Variants in KIAA0408 observed in about 807,000 individuals in gnomAD.
KIAA0408 encodes the protein KIAA0408.
A neutral mutation model predicts 60.9 loss-of-function variants in KIAA0408; 51 were observed. That is an observed-to-expected ratio of 0.84 (90% CI 0.67 to 1.06). The LOEUF (loss-of-function observed/expected upper bound fraction) is 1.06, where lower values mean the gene tolerates loss of function less well. Ranked by LOEUF, KIAA0408 falls within the 50% of genes least tolerant of loss-of-function variation. The pLI, the probability that KIAA0408 is intolerant of heterozygous loss-of-function variation, is 0.00. For synonymous variants in KIAA0408, 304 were observed against 282.4 expected, an observed-to-expected ratio of 1.08 and a Z score of -0.77; for missense variants, 787 against 833.9, an observed-to-expected ratio of 0.94 and a Z score of 0.69.
At chr6:127,459,006 T>G (rs777380011) in intron 1 of KIAA0408, among the ~76,000 whole-genome samples, 169 bp downstream of exon 1, 1 of 152,198 alleles carries the variant, frequency 6.6e-6, no homozygotes, top group Non-Finnish European at 1.5e-5. Flanking sequence ...CAATCTGTTA[T>G]GCACCCCGCC....
At position 127,447,655 on chromosome 6, in the gene KIAA0408, T is replaced by A. The variant is rs1437812889; in HGVS notation, c.664A>T (p.Ile222Phe). Residue 222 changes from isoleucine to phenylalanine, a missense_variant, in exon 5 of 6, where the codon ATT (isoleucine) becomes TTT (phenylalanine). Coordinates refer to ENST00000483725, the MANE Select transcript of KIAA0408 (RefSeq NM_014702.5). ...GDPMINNDQCILPISLEKEKQ... is the reference protein window; with the variant it reads ...GDPMINNDQCFLPISLEKEKQ... Reference sequence around the variant, plus strand: ...TCTTTTTCTAAACTGATTGGAAGAATGCACTGGTCATTGTTGATCATGGGG... The same window carrying A: ...TCTTTTTCTAAACTGATTGGAAGAAAGCACTGGTCATTGTTGATCATGGGG... 5 of 1,610,526 alleles carry A rather than the reference T, an allele frequency of 3.1e-6. No homozygotes were observed. Among genetic ancestry groups the A allele is most frequent in the Admixed American group, 1.7e-5 (1 of 59,386 alleles).
rs1011252123 is a variant in KIAA0408 at position 127,440,321 on chromosome 6, G to C, written c.*3788C>G. ...TGAGATGAACAAGTCATAGTTATAA[G>C]TTCTTTTTTTTTTTTTTTTTTGAGA... On this transcript the variant is annotated 3_prime_UTR_variant, in exon 6 of 6. Transcript: ENST00000483725. 3.3e-5 allele frequency: 4 copies of C among 121,790 alleles called. No homozygotes were observed. Among genetic ancestry groups the C allele is most frequent in the Non-Finnish European group, 6.9e-5 (4 of 57,974 alleles). The allele number at this position is 121,790 out of a possible 1,614,324, so 7.5% of individuals were successfully genotyped here.
chr6:127,450,872 C>G (rs1293301088), intron 2 of KIAA0408: 1 of 156,464 alleles, frequency 6.4e-6, no homozygotes, highest in African/African-American at 2.4e-5. Context: ...TTTGGTTGGT[C>G]AATTACATTG....
chr6:127,457,277 G>A (rs1773412988), intron 1 of KIAA0408, among the ~76,000 whole-genome samples: 2 of 152,124 alleles, frequency 1.3e-5, no homozygotes, highest in African/African-American at 4.8e-5. Context: ...GTTTCGTAAT[G>A]AGAAGTTATG....
chr6:127,456,936 C>T (rs1773406360), intron 1 of KIAA0408, among the ~76,000 whole-genome samples: 1 of 151,946 alleles, frequency 6.6e-6, no homozygotes, highest in Non-Finnish European at 1.5e-5. Context: ...CCCTCCCTTC[C>T]TCTTCTTGTC....
chr6:127,448,673 G>A (rs182777493), intron 4 of KIAA0408, among the ~76,000 whole-genome samples: 11 of 152,104 alleles, frequency 7.2e-5, no homozygotes, highest in African/African-American at 2.7e-4. Context: ...AATAAAATGT[G>A]GATAAATACC....
chr6:127,453,030 T>C (rs1350970558), intron 2 of KIAA0408, among the ~76,000 whole-genome samples: 1 of 152,042 alleles, frequency 6.6e-6, no homozygotes, highest in Non-Finnish European at 1.5e-5. Flanking sequence ...TATAAACACA[T>C]AAAGCACTTA....
chr6:127,456,150 A>C (rs1043906177), intron 1 of KIAA0408, among the ~76,000 whole-genome samples: 15 of 152,198 alleles, frequency 9.9e-5, no homozygotes, highest in African/African-American at 3.6e-4. Context: ...GTGGTTTGAG[A>C]TAATAAGAGA....
chr6:127,446,764 C>G lies in KIAA0408; in HGVS notation c.1555G>C (p.Gly519Arg), dbSNP rs765203412. 3.1e-6 allele frequency: 5 copies of G among 1,613,938 alleles called. No individual in the cohort carries two copies. In the South Asian group the frequency reaches 5.5e-5, roughly 18 times the overall value. The change falls in exon 5 of 6, where the codon GGC becomes CGC. Residue 519 changes from glycine to arginine, a missense_variant. Around this residue, in one of 3 missense-constraint regions of KIAA0408, gnomAD observed 640 missense variants for 681.3 expected, o/e 0.94. Transcript: ENST00000483725. The stretch of plus-strand genomic sequence containing the variant: ...TGTCCCTGCATTTGTCTTACTAGGC[C>G]TGTTGTGGATTTCTTGGTGGGATTA... ...PDNPTKKSTT[G>R]LVRQMQGHLS... is the part of the protein sequence containing the mutation.
At chr6:127,452,406 G>A (rs747958228) in intron 2 of KIAA0408, among the ~76,000 whole-genome samples, 3 of 152,062 alleles carry the variant, frequency 2.0e-5, no homozygotes, top group Non-Finnish European at 4.4e-5. Flanking sequence ...AAATATGACA[G>A]CCCGTTTGTC....
At chr6:127,456,176 C>A (rs1364563718) in intron 1 of KIAA0408, among the ~76,000 whole-genome samples, 3 of 151,952 alleles carry the variant, frequency 2.0e-5, no homozygotes, top group Non-Finnish European at 4.4e-5. Context: ...GCAGATTTAA[C>A]CAAAGAAACT....
chr6:127,449,200 T>C (rs1773254500), intron 4 of KIAA0408, among the ~76,000 whole-genome samples: 1 of 152,218 alleles, frequency 6.6e-6, no homozygotes, highest in African/African-American at 2.4e-5. Context: ...ATTGTCCAAA[T>C]GCTCAGAATG....
chr6:127,449,958 A>G, intron 3 of KIAA0408, 32 bp downstream of exon 3: 1 of 1,613,886 alleles, frequency 6.2e-7, no homozygotes, highest in Non-Finnish European at 8.5e-7. Context: ...ATTTCTTTAG[A>G]AACAGTTCTA....
chr6:127,458,384 C>T (rs1037944412), intron 1 of KIAA0408, among the ~76,000 whole-genome samples: 5 of 152,118 alleles, frequency 3.3e-5, no homozygotes, highest in Admixed American at 3.3e-4. Flanking sequence ...TAGCACATTC[C>T]TCATGCTCCA....
intron 2 of KIAA0408, among the ~76,000 whole-genome samples, chr6:127,452,734 G>T (rs187357183): frequency 2.0e-4 from 30 of 152,172 alleles, no homozygotes; most frequent in East Asian, 5.8e-4. Context: ...TTCTGATTGC[G>T]CTGGAGTTTT....
Position 127,447,465 on chromosome 6 carries a change from G to A in KIAA0408, c.854C>T (p.Ala285Val), listed in dbSNP as rs1773221662. ...RNFPSSDSEQAYERWKERLDH... is the reference protein window; with the variant it reads ...RNFPSSDSEQVYERWKERLDH... ...TAACCTTTCCTTCCATCTTTCATAG[G>A]CTTGTTCAGAATCCGAGCTGGGAAA... Residue 285 changes from alanine (A) to valine (V), a missense_variant, in exon 5 of 6, where the codon GCC (alanine) becomes GTC (valine). Ala to Val is a moderately conservative substitution (Grantham distance 64, BLOSUM62 0). This residue lies in a region of KIAA0408 where 640 missense variants were observed against 681.3 expected (regional missense o/e 0.94). Coordinates refer to ENST00000483725, the MANE Select transcript of KIAA0408 (RefSeq NM_014702.5). 3.1e-6 allele frequency: 5 copies of A among 1,613,924 alleles called. No individual in the cohort carries two copies. The highest frequency in any genetic ancestry group is 4.2e-6 in the Non-Finnish European group (5 of 1,179,966).
rs893051006 is a variant in KIAA0408 at position 127,446,829 on chromosome 6, G to C, written c.1490C>G (p.Thr497Ser). The C allele has an allele frequency of 6.2e-7, 1 of 1,613,962 alleles. No homozygotes were observed. The highest frequency in any genetic ancestry group is 2.2e-5 in the East Asian group (1 of 44,874). ...QSNDVSGIWKTNAHMPVPMEN... is the reference protein window; with the variant it reads ...QSNDVSGIWKSNAHMPVPMEN... ...CATGGGCACAGGCATGTGGGCATTG[G>C]TTTTCCAAATACCGGACACATCGTT... Residue 497 changes from threonine (T) to serine (S), a missense_variant, in exon 5 of 6, where the codon ACC (threonine) becomes AGC (serine). Around this residue, in one of 3 missense-constraint regions of KIAA0408, gnomAD observed 640 missense variants for 681.3 expected, o/e 0.94. Coordinates refer to ENST00000483725, the MANE Select transcript of KIAA0408 (RefSeq NM_014702.5).
In KIAA0408 at chr6:127,442,328, G is replaced by C. The variant is rs1773119833; in HGVS notation, c.*1781C>G. On this transcript the variant is annotated 3_prime_UTR_variant, in exon 6 of 6. Coordinates refer to ENST00000483725, the MANE Select transcript of KIAA0408 (RefSeq NM_014702.5). ...GTCACACAACAGCATTTTCCTAACA[G>C]GTCCGTCATTTTATGACCCAGGGTT... 1 of 152,246 alleles carries C rather than the reference G, an allele frequency of 6.6e-6. No homozygotes were observed. The highest frequency in any genetic ancestry group is 6.5e-5 in the Admixed American group (1 of 15,270). The allele number at this position is 152,246 out of a possible 1,614,324, so 9.4% of individuals were successfully genotyped here. A position where few individuals can be genotyped will look rare whatever the true frequency, so the allele number is the denominator to read the frequency against.
chr6:127,446,435 T>A lies in KIAA0408; in HGVS notation c.1884A>T (p.Gln628His). ...TAVWGGQEVK[Q>H]GIDPKKITEE... is the part of the protein sequence containing the mutation. ...CTGTTATCTTTTTCGGATCTATTCCTTGCTTCACTTCCTGTCCCCCCCACA... is the reference window on the plus strand; with the variant it reads ...CTGTTATCTTTTTCGGATCTATTCCATGCTTCACTTCCTGTCCCCCCCACA... Residue 628 changes from glutamine (Q) to histidine (H), a missense_variant, in exon 5 of 6, where the codon CAA (glutamine) becomes CAT (histidine). Physicochemically the swap from Gln to His is conservative, Grantham distance 24. Around this residue, in one of 3 missense-constraint regions of KIAA0408, gnomAD observed 133 missense variants for 119.2 expected, o/e 1.12. Coordinates refer to ENST00000483725, the MANE Select transcript of KIAA0408 (RefSeq NM_014702.5). 6.2e-7 allele frequency: 1 copy of A among 1,611,574 alleles called. No individual in the cohort carries two copies. The highest frequency in any genetic ancestry group is 8.5e-7 in the Non-Finnish European group (1 of 1,177,920).
Sources: allele counts gnomAD v4.1 joint callset (sites outside exome capture counted in the v4.1 genomes callset), GRCh38; gene constraint gnomAD v4.1.1; regional missense constraint gnomAD v4.1.1; transcripts MANE v1.5; gene names NCBI Gene and HGNC (gene_info 2026-07-23, HGNC 2026-07-21).